The following PCK2 variants were observed in gnomAD, a reference collection of about 807,000 sequenced individuals.
PCK2 encodes the protein phosphoenolpyruvate carboxykinase 2, mitochondrial.
In PCK2, 56 loss-of-function variants were observed where a neutral mutation model predicts 65.9. That is an observed-to-expected ratio of 0.85 (90% CI 0.69 to 1.06). PCK2 has a LOEUF of 1.06. Among genes scored for constraint, PCK2 ranks in the 50% least tolerant of loss-of-function variants. The pLI, the probability that PCK2 is intolerant of heterozygous loss-of-function variation, is 0.00. For missense variants in PCK2, 843 were observed against 863.1 expected, an observed-to-expected ratio of 0.98 and a Z score of 0.29; for synonymous variants, 305 against 319.6, an observed-to-expected ratio of 0.95 and a Z score of 0.49.
At chr14:24,095,417 T>G (rs1340486459) in intron 1 of PCK2, 1 of 358,586 alleles carries the variant, frequency 2.8e-6, no homozygotes, top group African/African-American at 2.1e-5. Context: ...GGGGCCACAC[T>G]GATCATCTAT....
In PCK2 at chr14:24,103,540, T is replaced by G. The variant is rs756429293; in HGVS notation, c.1499T>G (p.Met500Arg). ...GKIIMHDPFA[M>R]RPFFGYNFGH... The stretch of plus-strand genomic sequence containing the variant: ...ATCATCATGCACGACCCATTTGCCA[T>G]GCGGCCCTTTTTTGGCTACAACTTC... The change falls in exon 10 of 10, where the codon ATG becomes AGG. Residue 500 changes from methionine to arginine, a missense_variant. Coordinates refer to ENST00000216780, the MANE Select transcript of PCK2 (RefSeq NM_004563.4). 1.3e-6 allele frequency: 2 copies of G among 1,563,586 alleles called. No individual in the cohort carries two copies. Among genetic ancestry groups the G allele is most frequent in the East Asian group, 4.5e-5 (2 of 44,402 alleles).
chr14:24,103,481 A>C, intron 9 of PCK2, 29 bp from the exon 10 acceptor site: 1 of 1,526,478 alleles, frequency 6.6e-7, no homozygotes, highest in Non-Finnish European at 8.8e-7. Flanking sequence ...GAGAAGGAAG[A>C]TTCCTTACCC....
At position 24,094,745 on chromosome 14, in the gene PCK2, A is replaced by G. The variant is rs1566571081; in HGVS notation, c.29+311A>G. ...CCTCTCTGCTGAGCCAGGTCTCCGC[A>G]TATCCTCCTTTCCTTCCCAGATACC... On this transcript the variant is annotated intron_variant, in intron 1 of 9. Transcript: ENST00000216780. The surrounding 1 kb of genome is among the most constrained non-coding windows in gnomAD (Gnocchi z 4.1). The G allele has an allele frequency of 6.8e-7, 1 of 1,472,084 alleles. No homozygotes were observed. The allele number at this position is 1,472,084 out of a possible 1,614,324, so 91.2% of individuals were successfully genotyped here. A position where few individuals can be genotyped will look rare whatever the true frequency, so the allele number is the denominator to read the frequency against.
Position 24,096,752 on chromosome 14 carries a change from C to T in PCK2, c.30-140C>T, listed in dbSNP as rs114736929. The T allele has an allele frequency of 8.5e-4, 628 of 735,366 alleles. 2 individuals carry two copies. The highest frequency in any genetic ancestry group is 6.8e-3 in the African/African-American group (394 of 57,738). 45.6% of individuals were successfully genotyped at this position (735,366 alleles called of 1,614,324 possible). A position where few individuals can be genotyped will look rare whatever the true frequency, so the allele number is the denominator to read the frequency against. On this transcript the variant is annotated intron_variant, in intron 1 of 9. Coordinates refer to ENST00000216780, the MANE Select transcript of PCK2 (RefSeq NM_004563.4). ...ATGTGTCCTGAACACATCCCACACA[C>T]CAACTGCAACCTGCTCTTCATGGTC...
At chr14:24,097,237 A>G in intron 2 of PCK2, 100 bp downstream of exon 2, 1 of 1,118,216 alleles carries the variant, frequency 8.9e-7, no homozygotes, top group Non-Finnish European at 1.3e-6. Context: ...AATGGAATGA[A>G]CAAGAATGAG....
At chr14:24,098,131 C>A in intron 2 of PCK2, 72 bp from the exon 3 acceptor site, 1 of 1,347,204 alleles carries the variant, frequency 7.4e-7, no homozygotes, top group Non-Finnish European at 1.0e-6. Context: ...CAAAGTTGGA[C>A]TTGAAAAAGT....
chr14:24,096,855 G>A, intron 1 of PCK2, 37 bp from the exon 2 acceptor site: 2 of 1,591,074 alleles, frequency 1.3e-6, no homozygotes, highest in Non-Finnish European at 1.7e-6. Flanking sequence ...CACTCTCGAT[G>A]ACAGCAACTA....
At position 24,094,990 on chromosome 14, in the gene PCK2, G is replaced by A. The variant is rs1251976917; in HGVS notation, c.29+556G>A. Reference sequence around the variant, plus strand: ...CCGAGGGACCTGGGCCCAGGGGAGGGAGGCAAGCAAGGTGGGAGGAGGGCG... The same window carrying A: ...CCGAGGGACCTGGGCCCAGGGGAGGAAGGCAAGCAAGGTGGGAGGAGGGCG... On this transcript the variant is annotated intron_variant, in intron 1 of 9. Transcript: ENST00000216780. This position sits in a 1 kb window ranked among gnomAD's most constrained non-coding sequence, Gnocchi z 4.1. 3.4e-6 allele frequency: 2 copies of A among 590,096 alleles called. No individual in the cohort carries two copies. Among genetic ancestry groups the A allele is most frequent in the Non-Finnish European group, 5.5e-6 (2 of 362,580 alleles). The allele number at this position is 590,096 out of a possible 1,614,324, so 36.6% of individuals were successfully genotyped here.
intron 1 of PCK2, chr14:24,095,042 C>T: frequency 2.2e-6 from 1 of 449,440 alleles, no homozygotes; most frequent in Non-Finnish European, 4.5e-6. Flanking sequence ...TCTTACATAG[C>T]TGGCTTCTTC....
At position 24,094,524 on chromosome 14, in the gene PCK2, C is replaced by A; in HGVS notation, c.29+90C>A. The A allele has an allele frequency of 9.0e-6, 13 of 1,448,016 alleles. No homozygotes were observed. Among genetic ancestry groups the A allele is most frequent in the Middle Eastern group, 2.0e-4 (1 of 4,894 alleles). The allele number at this position is 1,448,016 out of a possible 1,614,324, so 89.7% of individuals were successfully genotyped here. A position where few individuals can be genotyped will look rare whatever the true frequency, so the allele number is the denominator to read the frequency against. ...AGTGGCGCTCTCCTGCTCTCAGCCT[C>A]CGCCAGGTTTCCCATCCTAGGCGGA... On this transcript the variant is annotated intron_variant, in intron 1 of 9. Transcript: ENST00000216780. This position sits in a 1 kb window ranked among gnomAD's most constrained non-coding sequence, Gnocchi z 4.1.
intron 7 of PCK2, 188 bp from the exon 8 acceptor site, chr14:24,102,565 A>G (rs2037203354): frequency 1.7e-6 from 1 of 601,190 alleles, no homozygotes; most frequent in East Asian, 2.6e-5. Context: ...CCGCACCTTC[A>G]TGGCTAAACA....
chr14:24,099,149 C>T lies in PCK2; in HGVS notation c.765C>T (p.Gly255=), dbSNP rs1401839142. Residue 255 remains glycine (G), a synonymous_variant, in exon 5 of 10, where the codon GGC becomes GGT. Coordinates refer to ENST00000216780, the MANE Select transcript of PCK2 (RefSeq NM_004563.4). ...EIISFGSGYG[G]NSLLGKKCFA... is the part of the protein sequence containing the mutation. ...TCTCCTTCGGCAGCGGCTATGGTGGCAACTCCCTGCTGGGCAAGAAGTGCT... is the reference window on the plus strand; with the variant it reads ...TCTCCTTCGGCAGCGGCTATGGTGGTAACTCCCTGCTGGGCAAGAAGTGCT... 3 of 1,611,390 alleles carry T rather than the reference C, an allele frequency of 1.9e-6. No homozygotes were observed. The highest frequency in any genetic ancestry group is 3.3e-5 in the Admixed American group (2 of 60,008).
rs1423647954 is a variant in PCK2 at position 24,094,447 on chromosome 14, C to T, written c.29+13C>T. ...GCCCTGGCCTGCGGTGAGTGACCCC[C>T]GGCCCGGGGCCCACCCGCACCTTCC... On this transcript the variant is annotated intron_variant, in intron 1 of 9. Coordinates refer to ENST00000216780, the MANE Select transcript of PCK2 (RefSeq NM_004563.4). This position sits in a 1 kb window ranked among gnomAD's most constrained non-coding sequence, Gnocchi z 4.1. 8 of 1,536,960 alleles carry T rather than the reference C, an allele frequency of 5.2e-6. No homozygotes were observed. Among genetic ancestry groups the T allele is most frequent in the Middle Eastern group, 1.8e-4 (1 of 5,532 alleles).
intron 1 of PCK2, chr14:24,095,192 C>T (rs1280045648): frequency 2.2e-6 from 1 of 456,098 alleles, no homozygotes; most frequent in Middle Eastern, 3.3e-4. Context: ...CAGCCCGTTC[C>T]ACTTGGGCAG....
intron 7 of PCK2, 102 bp from the exon 8 acceptor site, chr14:24,102,651 C>CAA (rs367813502): frequency 2.0e-4 from 173 of 882,538 alleles, no homozygotes; most frequent in African/African-American, 6.5e-4. Context: ...GCTGATGAGG[C>CAA]AAAAAAAAAA....
chr14:24,103,655 C>T lies in PCK2; in HGVS notation c.1614C>T (p.Asp538=), dbSNP rs138040637. The change falls in exon 10 of 10, where the codon GAC becomes GAT. Residue 538 remains aspartate (D), a synonymous_variant. Transcript: ENST00000216780. ...RIFHVNWFRR[D]EAGHFLWPGF... Reference sequence around the variant, plus strand: ...TCCATGTCAACTGGTTCCGGCGTGACGAGGCAGGGCACTTCCTGTGGCCAG... The same window carrying T: ...TCCATGTCAACTGGTTCCGGCGTGATGAGGCAGGGCACTTCCTGTGGCCAG... 6.3e-5 allele frequency: 102 copies of T among 1,614,054 alleles called. No homozygotes were observed. Among genetic ancestry groups the T allele is most frequent in the African/African-American group, 6.1e-4 (46 of 74,928 alleles).
rs767232536 is a variant in PCK2 at position 24,099,190 on chromosome 14, C to T, written c.806C>T (p.Ala269Val). Residue 269 changes from alanine (A) to valine (V), a missense_variant, in exon 5 of 10, where the codon GCC becomes GTC. Ala to Val is a moderately conservative substitution (Grantham distance 64). Transcript: ENST00000216780. Reference protein sequence around the residue: ...LGKKCFALRIASRLARDEGWL... With the variant: ...LGKKCFALRIVSRLARDEGWL... ...AAGAAGTGCTTTGCCCTACGCATCG[C>T]CTCTCGGCTGGCCCGGGATGAGGGC... 29 of 1,605,480 alleles carry T rather than the reference C, an allele frequency of 1.8e-5. No individual in the cohort carries two copies. The East Asian group carries it at 6.5e-4, about 36-fold the overall frequency.
chr14:24,098,362 T>A lies in PCK2; in HGVS notation c.435T>A (p.Asp145Glu). ...CAGCTGATTTCCAGCGAGCTGTGGA[T>A]GAGAGGTTTCCAGGCTGCATGCAGG... ...MSPADFQRAV[D>E]ERFPGCMQGR... The change falls in exon 3 of 10, where the codon GAT becomes GAA. Residue 145 changes from aspartate (D) to glutamate (E), a missense_variant. Coordinates refer to ENST00000216780, the MANE Select transcript of PCK2 (RefSeq NM_004563.4). 6.2e-7 allele frequency: 1 copy of A among 1,612,872 alleles called. No homozygotes were observed.
chr14:24,098,420 CGGAAGATGTGAACAGGTTT>C (rs1164102209), intron 3 of PCK2, 33 bp downstream of exon 3: 3 of 1,611,848 alleles, frequency 1.9e-6, no homozygotes, highest in Non-Finnish European at 2.5e-6. Flanking sequence ...GGCAAGGGCA[CGGAAGATGTGAACAGGTTT>C]GGAACCCTTC....
Sources: gnomAD v4.1 joint callset for allele counts on GRCh38, gnomAD v4.1.1 for gene constraint, Gnocchi (gnomAD v3.1) non-coding constraint, MANE v1.5 for transcripts, NCBI Gene and HGNC (gene_info 2026-07-23, HGNC 2026-07-21) for gene names.